GAK: variants seen among roughly 807,000 people sequenced by gnomAD.
GAK encodes the protein cyclin G associated kinase, also known as cyclin-G-associated kinase.
GAK carries 79 observed loss-of-function variants against 143.9 expected under a neutral mutation model. The observed-to-expected ratio is 0.55, with a 90% CI of 0.46 to 0.66. The LOEUF is 0.66. GAK is among the 30% of genes least tolerant of loss of function. The probability of loss-of-function intolerance (pLI) is 0.00; values close to 1 mark genes in which losing one functional copy is unlikely to be tolerated. For missense variants in GAK, 1,693 were observed against 1,779.7 expected, an observed-to-expected ratio of 0.95 and a Z score of 0.88; for synonymous variants, 881 against 765.5, an observed-to-expected ratio of 1.15 and a Z score of -2.49.
intron 24 of GAK, 59 bp from the exon 25 acceptor site, chr4:852,033 T>C: frequency 1.5e-6 from 2 of 1,369,570 alleles, no homozygotes; most frequent in Admixed American, 1.9e-5. Context: ...CAACTACTGT[T>C]TCTATAACGC....
chr4:905,672 G>C (rs1038244185), intron 4 of GAK, among the ~76,000 whole-genome samples: 1 of 150,234 alleles, frequency 6.7e-6, no homozygotes, highest in Non-Finnish European at 1.5e-5. Flanking sequence ...GCCACGTTGG[G>C]CCACATTACA....
At chr4:856,204 C>T (rs1458998930) in intron 24 of GAK, among the ~76,000 whole-genome samples, 1 of 143,178 alleles carries the variant, frequency 7.0e-6, no homozygotes, top group Non-Finnish European at 1.6e-5. Context: ...CAGCTGCTCA[C>T]ACCTGCTCAC....
rs1715579192 is a variant in GAK, at chr4:883,431, C to G, written c.1288G>C (p.Ala430Pro). The change falls in exon 13 of 28, where the codon GCG becomes CCG. Residue 430 changes from alanine (A) to proline (P), a missense_variant. By Grantham distance (27) the Ala-to-Pro change is conservative. This residue lies in a region of GAK where 871 missense variants were observed against 991.0 expected (regional missense o/e 0.88). Transcript: ENST00000314167. ...MSFPAEGVES[A>P]LKNNIEDVRL... ...ACATCTTCGATGTTGTTTTTGAGCG[C>G]TGACTCCACACCTTCTGCTGGGAAT... 1 of 1,613,780 alleles carries G rather than the reference C, an allele frequency of 6.2e-7. No homozygotes were observed. The highest frequency in any genetic ancestry group is 1.3e-5 in the African/African-American group (1 of 75,066).
chr4:923,679 G>A (rs1263356970), intron 1 of GAK, among the ~76,000 whole-genome samples: 1 of 151,534 alleles, frequency 6.6e-6, no homozygotes, highest in Non-Finnish European at 1.5e-5. Flanking sequence ...CATCTCAAGG[G>A]CAGGGAGTGG....
In GAK at chr4:920,913, T is replaced by C. The variant is rs193122409; in HGVS notation, c.146-7245A>G. ...GACATAGGTGTTCGTTATGTTACTG[T>C]ATTTTTCTGCATTTTAAAATATTTC... On this transcript the variant is annotated intron_variant, in intron 1 of 27. Coordinates refer to ENST00000314167, the MANE Select transcript of GAK (RefSeq NM_005255.4). Among the ~76,000 whole-genome samples the C allele has an allele frequency of 3.4e-4, 52 of 152,352 alleles. No individual in the cohort carries two copies. In the East Asian group the frequency reaches 9.8e-3, roughly 29 times the overall value.
intron 7 of GAK, 67 bp downstream of exon 7, chr4:896,393 C>A: frequency 7.9e-7 from 1 of 1,272,496 alleles, no homozygotes. Flanking sequence ...GTGCCCGGCC[C>A]ACGCCGCCTC....
chr4:850,250 C>T, intron 26 of GAK, 182 bp from the exon 27 acceptor site: 1 of 513,504 alleles, frequency 1.9e-6, no homozygotes, highest in South Asian at 3.6e-5. Context: ...CTCCGGACGA[C>T]ACAGGGCCAG....
At chr4:882,152 C>T (rs940616955) in intron 14 of GAK, 112 bp from the exon 15 acceptor site, 2 of 1,172,394 alleles carry the variant, frequency 1.7e-6, no homozygotes, top group Non-Finnish European at 2.4e-6. Flanking sequence ...AGGGCTGTTC[C>T]TCTCTGAAGC....
In GAK at chr4:924,910, G is replaced by C. The variant is rs749235416; in HGVS notation, c.145+7133C>G. Among the ~76,000 whole-genome samples the C allele has an allele frequency of 3.9e-5, 6 of 152,152 alleles. No homozygotes were observed. The South Asian group carries it at 1.2e-3, about 32-fold the overall frequency. On this transcript the variant is annotated intron_variant, in intron 1 of 27. Coordinates refer to ENST00000314167, the MANE Select transcript of GAK (RefSeq NM_005255.4). ...TTGTGGTGGTGGAGTTCCCCCAGGG[G>C]CTGCTCTCAGGATAGTGAGTGCTCT...
At chr4:880,365 CAATT>C (rs768097351) in intron 15 of GAK, among the ~76,000 whole-genome samples, 3 of 152,272 alleles carry the variant, frequency 2.0e-5, no homozygotes, top group Non-Finnish European at 4.4e-5. Flanking sequence ...CTCAGCACAT[CAATT>C]AGTTACTTCA....
intron 22 of GAK, 98 bp downstream of exon 22, chr4:866,266 C>G: frequency 7.8e-7 from 1 of 1,287,242 alleles, no homozygotes. Context: ...AGTCCAGCCC[C>G]ACCACTGCCT....
chr4:883,543 G>T, intron 12 of GAK, 80 bp from the exon 13 acceptor site: 1 of 1,528,214 alleles, frequency 6.5e-7, no homozygotes, highest in Non-Finnish European at 8.9e-7. Flanking sequence ...CGCTGCTCCT[G>T]ACGCCCCCGG....
intron 24 of GAK, chr4:852,242 C>A: frequency 1.8e-6 from 1 of 553,352 alleles, no homozygotes; most frequent in East Asian, 3.1e-5. Context: ...GCACCCCACC[C>A]CCAGGAGCCA....
At chr4:912,338 A>G (rs995786146) in intron 3 of GAK, 47 of 368,724 alleles carry the variant, frequency 1.3e-4, no homozygotes, top group Non-Finnish European at 2.5e-4. Flanking sequence ...AAGGGACGAG[A>G]GGGGCGGCTG....
chr4:913,845 C>CCCGG (rs1722463130), intron 1 of GAK, 177 bp from the exon 2 acceptor site: 1 of 547,406 alleles, frequency 1.8e-6, no homozygotes, highest in African/African-American at 2.2e-5. Flanking sequence ...AGCATACATG[C>CCCGG]CCCCACACAC....
At chr4:902,612 A>AAAAAAAAAAAAAAAAAAAAC (rs1560401696) in intron 5 of GAK, among the ~76,000 whole-genome samples, 6 of 143,934 alleles carry the variant, frequency 4.2e-5, no homozygotes, top group African/African-American at 1.6e-4. Context: ...AAAAAAAAAA[A>AAAAAAAAAAAAAAAAAAAAC]AACCCCAAAA....
chr4:867,065 G>A lies in GAK; in HGVS notation c.2763C>T (p.Ala921=). Residue 921 remains alanine (A), a synonymous_variant, in exon 21 of 28, where the codon GCC becomes GCT. Transcript: ENST00000314167. ...GCAGATCCTCCGGGGGCCCCTGGGA[G>A]GCGGCCTCAGGGGGCCCAAGGAGGC... ...LSCLLGPPEA[A]SQGPPEDLLS... 2.0e-6 allele frequency: 3 copies of A among 1,531,620 alleles called. No individual in the cohort carries two copies. Among genetic ancestry groups the A allele is most frequent in the Non-Finnish European group, 1.8e-6 (2 of 1,139,706 alleles). 94.9% of individuals were successfully genotyped at this position (1,531,620 alleles called of 1,614,324 possible).
chr4:902,544 T>C (rs1422819004), intron 5 of GAK, among the ~76,000 whole-genome samples: 2 of 134,282 alleles, frequency 1.5e-5, no homozygotes, highest in East Asian at 2.2e-4. Context: ...GAGGCGGCAG[T>C]GAGCCCCGTC....
chr4:909,669 G>T (rs1474488804), intron 4 of GAK, among the ~76,000 whole-genome samples: 10 of 152,212 alleles, frequency 6.6e-5, no homozygotes, highest in Non-Finnish European at 1.2e-4. Context: ...AGAGTTATGA[G>T]GCTTTCTGGT....
Sources: allele counts gnomAD v4.1 joint callset (sites outside exome capture counted in the v4.1 genomes callset), GRCh38; gene constraint gnomAD v4.1.1; regional missense constraint gnomAD v4.1.1; transcripts MANE v1.5; gene names NCBI Gene and HGNC (gene_info 2026-07-23, HGNC 2026-07-21).